The following LAMA3 variants were observed in gnomAD, a reference collection of about 807,000 sequenced individuals.
LAMA3 encodes the protein laminin subunit alpha-3.
A neutral mutation model predicts 402.0 loss-of-function variants in LAMA3; 281 were observed. The observed-to-expected ratio is 0.70, with a 90% CI of 0.63 to 0.77. The LOEUF (loss-of-function observed/expected upper bound fraction) is 0.77, where lower values mean the gene tolerates loss of function less well. LAMA3 is among the 30% of genes least tolerant of loss of function. The pLI is 0.00. For synonymous variants in LAMA3, 1,431 were observed against 1,558.4 expected (o/e 0.92, Z 1.93); for missense variants, 3,840 against 4,215.5 (o/e 0.91, Z 2.47).
intron 2 of LAMA3, among the ~76,000 whole-genome samples, chr18:23,734,899 C>T (rs368275481): frequency 6.6e-6 from 1 of 152,160 alleles, no homozygotes; most frequent in East Asian, 1.9e-4. Context: ...AGGACCTGGC[C>T]GTCCAGATGG....
At chr18:23,877,424 G>A (rs959781880) in intron 39 of LAMA3, among the ~76,000 whole-genome samples, 2 of 152,152 alleles carry the variant, frequency 1.3e-5, no homozygotes, top group Non-Finnish European at 2.9e-5. Context: ...CCTCCCCAGT[G>A]AGGAAAATGG....
intron 61 of LAMA3, 23 bp from the exon 62 acceptor site, chr18:23,921,428 TG>T: frequency 6.2e-7 from 1 of 1,610,224 alleles, no homozygotes; most frequent in South Asian, 1.1e-5. Flanking sequence ...GCTGGCTTGC[TG>T]ATTCATCTCT....
chr18:23,769,639 A>C (rs2062152269), intron 8 of LAMA3, among the ~76,000 whole-genome samples: 1 of 152,246 alleles, frequency 6.6e-6, no homozygotes, highest in Non-Finnish European at 1.5e-5. Flanking sequence ...ATGAAGGAAC[A>C]GGGGATGAAG....
At chr18:23,837,232 T>C (rs2063601463) in intron 25 of LAMA3, 143 bp downstream of exon 25, 2 of 685,214 alleles carry the variant, frequency 2.9e-6, no homozygotes, top group Admixed American at 4.2e-5. Context: ...TCTTCCCATC[T>C]AGAACCTGAC....
At chr18:23,886,856 G>T (rs1442551939) in intron 41 of LAMA3, among the ~76,000 whole-genome samples, 1 of 152,208 alleles carries the variant, frequency 6.6e-6, no homozygotes, top group Non-Finnish European at 1.5e-5. Flanking sequence ...CCAGAAGATG[G>T]AAGTGGGAGG....
chr18:23,844,263 C>T (rs2063765773), intron 29 of LAMA3, among the ~76,000 whole-genome samples: 1 of 152,246 alleles, frequency 6.6e-6, no homozygotes. Context: ...CTGATTTATA[C>T]TGGCACAGAG....
chr18:23,940,768 G>A (rs1031241964), intron 68 of LAMA3, among the ~76,000 whole-genome samples: 1 of 152,050 alleles, frequency 6.6e-6, no homozygotes, highest in Admixed American at 6.6e-5. Context: ...GCAAAGTCTT[G>A]GGGTCCCTCA....
chr18:23,816,360 A>G (rs958607129), intron 17 of LAMA3, 28 bp from the exon 18 acceptor site: 5 of 1,590,244 alleles, frequency 3.1e-6, no homozygotes, highest in Middle Eastern at 1.7e-4. Flanking sequence ...GGTTTAAGGT[A>G]TAACTGCTGC....
At chr18:23,884,117 A>C (rs933598389) in intron 40 of LAMA3, among the ~76,000 whole-genome samples, 1 of 150,998 alleles carries the variant, frequency 6.6e-6, no homozygotes, top group Admixed American at 6.6e-5. Context: ...TGCTTCTAAA[A>C]TATCATCACT....
rs745933318 is a variant in LAMA3, at chr18:23,689,677, C to T, written c.-7C>T. On this transcript the variant is annotated 5_prime_UTR_variant, in exon 1 of 75. Coordinates refer to ENST00000313654, the MANE Select transcript of LAMA3 (RefSeq NM_198129.4). ...ACGGCTCAGGCGGGAGGACCCCGCG[C>T]GGCTGGATGGCGGCGGCCGCGCGGC... 18 of 1,314,332 alleles carry T rather than the reference C, an allele frequency of 1.4e-5. No homozygotes were observed. The South Asian group carries it at 3.8e-4, about 28-fold the overall frequency. The allele number at this position is 1,314,332 out of a possible 1,614,324, so 81.4% of individuals were successfully genotyped here. A position where few individuals can be genotyped will look rare whatever the true frequency, so the allele number is the denominator to read the frequency against.
At chr18:23,779,703 G>A (rs2062397067) in intron 11 of LAMA3, among the ~76,000 whole-genome samples, 1 of 152,180 alleles carries the variant, frequency 6.6e-6, no homozygotes, top group Non-Finnish European at 1.5e-5. Context: ...AAGCAAGAGA[G>A]GAGGGCTCGG....
At chr18:23,912,660 C>T (rs2081473005) in intron 55 of LAMA3, 51 bp from the exon 56 acceptor site, 2 of 1,505,378 alleles carry the variant, frequency 1.3e-6, no homozygotes, top group African/African-American at 2.8e-5. Context: ...CTGAGCACAC[C>T]TACTTTCTTC....
intron 68 of LAMA3, among the ~76,000 whole-genome samples, chr18:23,941,324 G>GCC (rs1491182960): frequency 0.045 from 1,246 of 27,824 alleles, 3 homozygotes; most frequent in Non-Finnish European, 0.067. Flanking sequence ...CATCAGCTTG[G>GCC]CGCCCCCCCC....
At position 23,867,876 on chromosome 18, in the gene LAMA3, C is replaced by G. The variant is rs759035824; in HGVS notation, c.4726C>G (p.Arg1576Gly). Reference protein sequence around the residue: ...SIIYEETNTPRPDRLHHGRVH... With the variant: ...SIIYEETNTPGPDRLHHGRVH... The stretch of plus-strand genomic sequence containing the variant: ...CATCTATGAGGAGACAAACACCCCA[C>G]GGCCAGACCGGCTGCATCATGGACG... The change falls in exon 37 of 75, where the codon CGG (arginine) becomes GGG (glycine). Residue 1576 changes from arginine (R) to glycine (G), a missense_variant. By Grantham distance (125) the Arg-to-Gly change is moderately radical. This residue lies in a region of LAMA3 where 2,109 missense variants were observed against 2,376.0 expected (regional missense o/e 0.89). Transcript: ENST00000313654. 19 of 1,614,038 alleles carry G rather than the reference C, an allele frequency of 1.2e-5. 2 individuals carry two copies. In the South Asian group the frequency reaches 2.1e-4, roughly 18 times the overall value.
At chr18:23,890,397 A>G (rs2080618944) in intron 42 of LAMA3, among the ~76,000 whole-genome samples, 1 of 152,198 alleles carries the variant, frequency 6.6e-6, no homozygotes, top group South Asian at 2.1e-4. Flanking sequence ...CCTAATTATA[A>G]CCAAAATAAC....
chr18:23,756,983 G>A (rs1598730347), intron 6 of LAMA3, among the ~76,000 whole-genome samples: 1 of 139,552 alleles, frequency 7.2e-6, no homozygotes, highest in South Asian at 2.3e-4. Flanking sequence ...ACTGGCTGAA[G>A]CACCAGGGTG....
At position 23,933,902 on chromosome 18, in the gene LAMA3, G is replaced by T; in HGVS notation, c.8829G>T (p.Arg2943Ser). Residue 2943 changes from arginine (R) to serine (S), a missense_variant, in exon 67 of 75, where the codon AGG becomes AGT. Physicochemically the swap from Arg to Ser is moderately radical, Grantham distance 110. Coordinates refer to ENST00000313654, the MANE Select transcript of LAMA3 (RefSeq NM_198129.4). ...TAATGTTGCTTAAAGGTTCTACCAG[G>T]TTTAACAAGACCAAGACTTTTCGTA... ...PFLMLLKGST[R>S]FNKTKTFRIN... The T allele has an allele frequency of 1.2e-6, 2 of 1,614,130 alleles. No homozygotes were observed. The highest frequency in any genetic ancestry group is 1.7e-6 in the Non-Finnish European group (2 of 1,180,016).
intron 6 of LAMA3, among the ~76,000 whole-genome samples, chr18:23,757,127 CG>C (rs2061863481): frequency 6.6e-6 from 1 of 151,952 alleles, no homozygotes; most frequent in Admixed American, 6.5e-5. Flanking sequence ...CAACCCAGCC[CG>C]GAATTAGAAG....
At chr18:23,819,598 G>A (rs766536263) in intron 18 of LAMA3, among the ~76,000 whole-genome samples, 20 of 152,196 alleles carry the variant, frequency 1.3e-4, no homozygotes, top group Admixed American at 6.5e-4. Context: ...TATGGCTTGT[G>A]CTAAACGATT....
Sources: allele counts gnomAD v4.1 joint callset (sites outside exome capture counted in the v4.1 genomes callset), GRCh38; gene constraint gnomAD v4.1.1; regional missense constraint gnomAD v4.1.1; transcripts MANE v1.5; gene names NCBI Gene and HGNC (gene_info 2026-07-23, HGNC 2026-07-21).